ELMO2: variants seen among roughly 807,000 people sequenced by gnomAD.
ELMO2 encodes engulfment and cell motility 2, also known as engulfment and cell motility protein 2.
Under a neutral mutation model 96.2 loss-of-function variants are expected in ELMO2, and 37 were observed. That is an observed-to-expected ratio of 0.38 (90% CI 0.30 to 0.51). The LOEUF (loss-of-function observed/expected upper bound fraction) is 0.51. Among genes scored for constraint, ELMO2 ranks in the 20% least tolerant of loss-of-function variants. The probability of loss-of-function intolerance (pLI) is 0.88; values close to 1 mark genes in which losing one functional copy is unlikely to be tolerated. For synonymous variants in ELMO2, 315 were observed against 329.4 expected (o/e 0.96, Z 0.47); for missense variants, 561 against 912.6 (o/e 0.61, Z 4.96).
Position 46,371,811 on chromosome 20 carries a change from T to C in ELMO2, c.1575A>G (p.Pro525=), listed in dbSNP as rs778085258. ...RMSQDDFQSP[P]IVELREKIQP... Reference sequence around the variant, plus strand: ...TCCCCTGAGATGGAACTTACACAATTGGCGGGGACTGGAAGTCATCCTGAC... The same window carrying C: ...TCCCCTGAGATGGAACTTACACAATCGGCGGGGACTGGAAGTCATCCTGAC... The change falls in exon 17 of 22, where the codon CCA becomes CCG. Residue 525 remains proline (P), a synonymous_variant. Coordinates refer to ENST00000290246, the MANE Select transcript of ELMO2 (RefSeq NM_133171.5). This position sits in a 1 kb window ranked among gnomAD's most constrained non-coding sequence, Gnocchi z 5.9. The C allele has an allele frequency of 9.9e-6, 16 of 1,613,954 alleles. No individual in the cohort carries two copies. The highest frequency in any genetic ancestry group is 1.4e-5 in the Non-Finnish European group (16 of 1,179,992).
chr20:46,389,243 T>C (rs1202468112), intron 6 of ELMO2, 23 bp from the exon 7 acceptor site: 6 of 1,608,516 alleles, frequency 3.7e-6, no homozygotes, highest in African/African-American at 1.3e-5. Flanking sequence ...GGACAAGATA[T>C]GTGCCATCTG....
intron 10 of ELMO2, among the ~76,000 whole-genome samples, chr20:46,381,784 G>T (rs1036103111): frequency 2.6e-5 from 4 of 152,180 alleles, no homozygotes; most frequent in Non-Finnish European, 5.9e-5. Context: ...ATTCCCTTTT[G>T]TCGATTGTCT....
rs989799891 is a variant in ELMO2, at chr20:46,366,599, G to T, written c.*761C>A. ...GTATTAATGTGGGGGAAGAGCAGTA[G>T]AATCTAGTGACCTCACCACAGTCTA... is the stretch of plus-strand genomic sequence containing the variant. On this transcript the variant is annotated 3_prime_UTR_variant, in exon 22 of 22. Transcript: ENST00000290246. 1 of 152,348 alleles carries T rather than the reference G, an allele frequency of 6.6e-6. No individual in the cohort carries two copies. The highest frequency in any genetic ancestry group is 2.4e-5 in the African/African-American group (1 of 41,472). The allele number at this position is 152,348 out of a possible 1,614,324, so 9.4% of individuals were successfully genotyped here.
intron 6 of ELMO2, among the ~76,000 whole-genome samples, chr20:46,390,066 T>C (rs1435525665): frequency 6.7e-6 from 1 of 149,338 alleles, no homozygotes; most frequent in Non-Finnish European, 1.5e-5. Context: ...GGCAGGAAAA[T>C]TGCTTGAACC....
In ELMO2 at chr20:46,371,206, T is replaced by C. The variant is rs1411216734; in HGVS notation, c.1801+146A>G. 6.7e-6 allele frequency: 5 copies of C among 743,714 alleles called. No homozygotes were observed. Among genetic ancestry groups the C allele is most frequent in the African/African-American group, 1.8e-5 (1 of 56,372 alleles). The allele number at this position is 743,714 out of a possible 1,614,324, so 46.1% of individuals were successfully genotyped here. A position where few individuals can be genotyped will look rare whatever the true frequency, so the allele number is the denominator to read the frequency against. On this transcript the variant is annotated intron_variant, in intron 19 of 21. Coordinates refer to ENST00000290246, the MANE Select transcript of ELMO2 (RefSeq NM_133171.5). The surrounding 1 kb of genome is among the most constrained non-coding windows in gnomAD (Gnocchi z 5.9). Reference sequence around the variant, plus strand: ...AAACCACCCCACCGAGTAGGCCAGGTAGAGGAAATCGCTGACAGATAAGGA... The same window carrying C: ...AAACCACCCCACCGAGTAGGCCAGGCAGAGGAAATCGCTGACAGATAAGGA...
chr20:46,386,097 G>C (rs777062717), intron 9 of ELMO2, 27 bp downstream of exon 9: 1 of 1,604,448 alleles, frequency 6.2e-7, no homozygotes, highest in Non-Finnish European at 8.5e-7. Flanking sequence ...CAAGTGAAGG[G>C]AGGGAGGTGT....
intron 9 of ELMO2, 110 bp downstream of exon 9, chr20:46,386,014 A>T (rs1349507292): frequency 7.8e-7 from 1 of 1,283,850 alleles, no homozygotes; most frequent in Non-Finnish European, 1.1e-6. Flanking sequence ...GAAGAAGCCA[A>T]CCAACAGCTT....
chr20:46,370,175 T>A (rs1447063353), intron 20 of ELMO2: 11 of 595,416 alleles, frequency 1.8e-5, no homozygotes, highest in Middle Eastern at 2.6e-4. Flanking sequence ...ACACTAAATA[T>A]TTACAGATGA....
At chr20:46,380,038 C>T (rs1191799639) in intron 11 of ELMO2, 3 of 464,488 alleles carry the variant, frequency 6.5e-6, no homozygotes, top group Admixed American at 3.5e-5. Context: ...CCTCCCTGGA[C>T]GCACTGCAAT....
intron 9 of ELMO2, 62 bp downstream of exon 9, chr20:46,386,062 A>G: frequency 6.4e-7 from 1 of 1,560,726 alleles, no homozygotes; most frequent in Admixed American, 1.8e-5. Flanking sequence ...GGAAGACTTA[A>G]AATAAGAGGA....
At position 46,393,610 on chromosome 20, in the gene ELMO2, G is replaced by A. The variant is rs747843022; in HGVS notation, c.120-9C>T. ...GGTTTGGCAACGACCACCTATGCAA[G>A]AGAAAAACAGTATATCCCACTTGGC... On this transcript the variant is annotated splice_polypyrimidine_tract_variant and intron_variant, in intron 4 of 21. Transcript: ENST00000290246. The A allele has an allele frequency of 1.2e-6, 2 of 1,613,170 alleles. No homozygotes were observed. The highest frequency in any genetic ancestry group is 1.1e-5 in the South Asian group (1 of 91,026).
intron 7 of ELMO2, 165 bp from the exon 8 acceptor site, chr20:46,387,602 G>T: frequency 1.7e-5 from 4 of 239,880 alleles, no homozygotes; most frequent in South Asian, 9.3e-5. Context: ...AGCCAGTGTA[G>T]AGCAGATTCA....
intron 2 of ELMO2, among the ~76,000 whole-genome samples, chr20:46,396,349 A>G (rs938926368): frequency 1.3e-5 from 2 of 152,210 alleles, no homozygotes; most frequent in Non-Finnish European, 2.9e-5. Flanking sequence ...TGTGAGGTCA[A>G]TTTTAAAAAC....
In ELMO2 at chr20:46,375,135, G is replaced by A. The variant is rs905642534; in HGVS notation, c.1065+101C>T. ...AGCTTCCTAACTGTCATCTATTCCA[G>A]GGCCACCATGGGGTTGGTTGTCAGA... On this transcript the variant is annotated intron_variant, in intron 13 of 21. Transcript: ENST00000290246. The surrounding 1 kb of genome is among the most constrained non-coding windows in gnomAD (Gnocchi z 4.6). 37 of 1,463,772 alleles carry A rather than the reference G, an allele frequency of 2.5e-5. No homozygotes were observed. Among genetic ancestry groups the A allele is most frequent in the Non-Finnish European group, 3.2e-5 (35 of 1,089,752 alleles). The allele number at this position is 1,463,772 out of a possible 1,614,324, so 90.7% of individuals were successfully genotyped here.
At chr20:46,369,159 A>C in intron 20 of ELMO2, 191 bp from the exon 21 acceptor site, 1 of 540,498 alleles carries the variant, frequency 1.9e-6, no homozygotes, top group Non-Finnish European at 3.3e-6. Flanking sequence ...TAACTTACCC[A>C]CTCCCTGCCC....
chr20:46,386,093 A>AAGGG, intron 9 of ELMO2, 31 bp downstream of exon 9: 1 of 1,601,184 alleles, frequency 6.2e-7, no homozygotes, highest in Non-Finnish European at 8.5e-7. Context: ...CAGACAAGTG[A>AAGGG]AGGGAGGGAG....
At chr20:46,372,097 G>T in intron 16 of ELMO2, 128 bp from the exon 17 acceptor site, 1 of 1,080,676 alleles carries the variant, frequency 9.3e-7, no homozygotes, top group Non-Finnish European at 1.3e-6. Context: ...ACATCTGCTG[G>T]GTGAGTAAGG....
rs2297055 is a variant in ELMO2, at chr20:46,369,063, C to T, written c.1885-95G>A. The T allele has an allele frequency of 0.088, 98,707 of 1,116,122 alleles. 6,401 individuals are homozygous for T. Among genetic ancestry groups the T allele is most frequent in the African/African-American group, 0.29 (18,987 of 64,896 alleles). The allele number at this position is 1,116,122 out of a possible 1,614,324, so 69.1% of individuals were successfully genotyped here. A position where few individuals can be genotyped will look rare whatever the true frequency, so the allele number is the denominator to read the frequency against. On this transcript the variant is annotated intron_variant, in intron 20 of 21. Coordinates refer to ENST00000290246, the MANE Select transcript of ELMO2 (RefSeq NM_133171.5). ...AGTCCTAGTGACTCGGCATCATCAC[C>T]AAACATGCTGATTCAGATGAATGTC...
At chr20:46,393,861 A>T (rs746151245) in intron 4 of ELMO2, 188 bp downstream of exon 4, 287 of 847,722 alleles carry the variant, frequency 3.4e-4, no homozygotes, top group Middle Eastern at 1.1e-3. Flanking sequence ...TAAGGAAAAA[A>T]TTAAGAAGTA....
Sources: allele counts gnomAD v4.1 joint callset (sites outside exome capture counted in the v4.1 genomes callset), GRCh38; gene constraint gnomAD v4.1.1; non-coding constraint Gnocchi (gnomAD v3.1); transcripts MANE v1.5; gene names NCBI Gene and HGNC (gene_info 2026-07-23, HGNC 2026-07-21).